USP22: variants seen among roughly 807,000 people sequenced by gnomAD.
USP22 encodes the protein ubiquitin carboxyl-terminal hydrolase 22.
USP22 carries 22 observed loss-of-function variants against 68.1 expected under a neutral mutation model. That is an observed-to-expected ratio of 0.32 (90% CI 0.23 to 0.46). The LOEUF is 0.46. USP22 is among the 20% of genes least tolerant of loss of function. The probability of loss-of-function intolerance (pLI) is 1.00; values close to 1 mark genes in which losing one functional copy is unlikely to be tolerated. For synonymous variants in USP22, 279 were observed against 274.2 expected (o/e 1.02, Z -0.17); for missense variants, 433 against 695.8 (o/e 0.62, Z 4.25).
At chr17:21,017,532 T>A (rs538619489) in intron 5 of USP22, among the ~76,000 whole-genome samples, 1 of 152,286 alleles carries the variant, frequency 6.6e-6, no homozygotes, top group East Asian at 1.9e-4. Context: ...GAGGCTCTGA[T>A]GGGGCATGCT....
At chr17:21,005,651 C>G (rs1336247149) in intron 10 of USP22, among the ~76,000 whole-genome samples, 1 of 152,182 alleles carries the variant, frequency 6.6e-6, no homozygotes, top group Non-Finnish European at 1.5e-5. Flanking sequence ...AGGAGGTCAT[C>G]TGTGTGCCAC....
intron 8 of USP22, among the ~76,000 whole-genome samples, chr17:21,008,826 C>T (rs576248536): frequency 9.2e-5 from 14 of 152,094 alleles, no homozygotes; most frequent in Non-Finnish European, 1.8e-4. Context: ...TGCGGCAGCT[C>T]ACACCTGTAA....
chr17:21,041,818 C>T (rs144367311), intron 1 of USP22, among the ~76,000 whole-genome samples: 189 of 152,380 alleles, frequency 1.2e-3, no homozygotes, highest in African/African-American at 4.4e-3. Flanking sequence ...CCTTACCAAG[C>T]CTAACTGCGG....
rs1415289075 is a variant in USP22, at chr17:21,014,903, G to C, written c.838+849C>G. Among the ~76,000 whole-genome samples the C allele has an allele frequency of 9.9e-5, 15 of 152,210 alleles. No homozygotes were observed. The South Asian group carries it at 2.9e-3, about 29-fold the overall frequency. Reference sequence around the variant, plus strand: ...ATCTGAACCAGCGGCATCAACATCAGCTGGGAACTGATTAAGAGTGAAGAA... The same window carrying C: ...ATCTGAACCAGCGGCATCAACATCACCTGGGAACTGATTAAGAGTGAAGAA... On this transcript the variant is annotated intron_variant, in intron 6 of 12. Transcript: ENST00000261497.
chr17:21,034,445 G>A (rs1220190764), intron 1 of USP22, among the ~76,000 whole-genome samples: 1 of 152,142 alleles, frequency 6.6e-6, no homozygotes, highest in Admixed American at 6.5e-5. Flanking sequence ...CTACAGTTCC[G>A]CTTGCTGTGG....
chr17:21,017,594 G>A (rs1199806669), intron 5 of USP22, among the ~76,000 whole-genome samples: 4 of 152,190 alleles, frequency 2.6e-5, no homozygotes, highest in African/African-American at 4.8e-5. Flanking sequence ...ACACAGGAGG[G>A]TGACACATGC....
At position 21,004,917 on chromosome 17, in the gene USP22, G is replaced by A; in HGVS notation, c.1385+11C>T. ...AGGCCCTGGACACCCACACCGCTAA[G>A]CACCACTTACTTGTTGTCATTGTTG... On this transcript the variant is annotated intron_variant, in intron 11 of 12. Transcript: ENST00000261497. 6.2e-7 allele frequency: 1 copy of A among 1,614,112 alleles called. No individual in the cohort carries two copies. Among genetic ancestry groups the A allele is most frequent in the Non-Finnish European group, 8.5e-7 (1 of 1,179,984 alleles).
chr17:21,004,865 A>G (rs988325513), intron 11 of USP22, 63 bp downstream of exon 11: 2 of 1,588,852 alleles, frequency 1.3e-6, no homozygotes, highest in Middle Eastern at 1.7e-4. Flanking sequence ...CAAGGCAGAC[A>G]GGAGCCCACC....
chr17:21,036,045 A>AAAAAAAAAAAAAAAG (rs1567593858), intron 1 of USP22, among the ~76,000 whole-genome samples: 1 of 150,924 alleles, frequency 6.6e-6, no homozygotes, highest in African/African-American at 2.5e-5. Context: ...AAAAAAAAAA[A>AAAAAAAAAAAAAAAG]AAAAAAAAAA....
Position 21,002,754 on chromosome 17 carries a change from CAA to C in USP22, c.*275_*276del, listed in dbSNP as rs1361052924. ...CCCGTTGCACCCCCATGTCATGACA[CAA>C]GAGATGTTCTGGTGACGGGTGTACG... On this transcript the variant is annotated 3_prime_UTR_variant, in exon 13 of 13. Transcript: ENST00000261497. 9.6e-6 allele frequency: 4 copies of C among 414,814 alleles called. No individual in the cohort carries two copies. The highest frequency in any genetic ancestry group is 2.0e-5 in the African/African-American group (1 of 49,000). 25.7% of individuals were successfully genotyped at this position (414,814 alleles called of 1,614,324 possible).
intron 8 of USP22, among the ~76,000 whole-genome samples, chr17:21,010,698 T>C (rs1428946604): frequency 3.3e-5 from 5 of 151,884 alleles, no homozygotes; most frequent in Admixed American, 1.3e-4. Context: ...GTAAATATTA[T>C]TACTTATCCC....
chr17:21,028,996 G>A (rs772127423), intron 1 of USP22, among the ~76,000 whole-genome samples: 2 of 147,880 alleles, frequency 1.4e-5, no homozygotes. Flanking sequence ...CATCCCCACT[G>A]CAGGCCAGCA....
At chr17:21,014,925 A>C (rs1373892493) in intron 6 of USP22, among the ~76,000 whole-genome samples, 2 of 152,186 alleles carry the variant, frequency 1.3e-5, no homozygotes, top group African/African-American at 4.8e-5. Flanking sequence ...TTAAGAGTGA[A>C]GAAGCCCCTG....
chr17:21,005,661 CAG>C (rs1286952591), intron 10 of USP22, among the ~76,000 whole-genome samples: 3 of 152,156 alleles, frequency 2.0e-5, no homozygotes, highest in African/African-American at 7.2e-5. Context: ...CTGTGTGCCA[CAG>C]GGGTGGGACA....
chr17:21,042,697 A>C lies in USP22; in HGVS notation c.139T>G (p.Trp47Gly). The change falls in exon 1 of 13, where the codon TGG (tryptophan) becomes GGG (glycine). Residue 47 changes from tryptophan to glycine, a missense_variant. By Grantham distance (184) the Trp-to-Gly change is radical. Coordinates refer to ENST00000261497, the MANE Select transcript of USP22 (RefSeq NM_015276.2). ...NLRAIYQCFV[W>G]SGTAEARKRK... is the part of the protein sequence containing the mutation. ...TTGCGGGCCTCAGCCGTGCCGCTCC[A>C]CACGAAGCACTGGTAGATGGCCCGC... 1 of 1,399,768 alleles carries C rather than the reference A, an allele frequency of 7.1e-7. No individual in the cohort carries two copies. Among genetic ancestry groups the C allele is most frequent in the Non-Finnish European group, 9.4e-7 (1 of 1,065,754 alleles). 86.7% of individuals were successfully genotyped at this position (1,399,768 alleles called of 1,614,324 possible). A position where few individuals can be genotyped will look rare whatever the true frequency, so the allele number is the denominator to read the frequency against.
chr17:21,036,232 T>C (rs532173050), intron 1 of USP22, among the ~76,000 whole-genome samples: 1 of 151,500 alleles, frequency 6.6e-6, no homozygotes, highest in Admixed American at 6.6e-5. Context: ...AGCACAGGGA[T>C]TTCTTGGGGC....
At chr17:21,007,809 G>A in intron 9 of USP22, 61 bp downstream of exon 9, 2 of 1,606,488 alleles carry the variant, frequency 1.2e-6, no homozygotes, top group Non-Finnish European at 1.7e-6. Context: ...AAAAGGCTGA[G>A]GACCGTACTG....
At chr17:21,041,653 G>T (rs2143671492) in intron 1 of USP22, among the ~76,000 whole-genome samples, 1 of 152,260 alleles carries the variant, frequency 6.6e-6, no homozygotes, top group East Asian at 1.9e-4. Flanking sequence ...ATCTCAGCGA[G>T]CCTGTTGGTA....
chr17:21,031,607 T>C (rs1476647214), intron 1 of USP22, among the ~76,000 whole-genome samples: 6 of 143,902 alleles, frequency 4.2e-5, no homozygotes, highest in Non-Finnish European at 9.1e-5. Flanking sequence ...CTACACAACC[T>C]AGGACTGTGC....
Sources: allele counts gnomAD v4.1 joint callset (sites outside exome capture counted in the v4.1 genomes callset), GRCh38; gene constraint gnomAD v4.1.1; transcripts MANE v1.5; gene names NCBI Gene and HGNC (gene_info 2026-07-23, HGNC 2026-07-21).